Variants in FHIT observed in about 807,000 individuals in gnomAD.
The protein encoded by FHIT is fragile histidine triad diadenosine triphosphatase, also known as bis(5'-adenosyl)-triphosphatase.
FHIT carries 19 observed loss-of-function variants against 17.9 expected under a neutral mutation model. The ratio of observed to expected loss-of-function variants is 1.06; its 90% CI spans 0.74 to 1.56. The LOEUF (loss-of-function observed/expected upper bound fraction) is 1.56, where lower values mean the gene tolerates loss of function less well. Ranked by LOEUF, FHIT falls within the 40% of genes most tolerant of loss-of-function variation. The pLI, the probability that FHIT is intolerant of heterozygous loss-of-function variation, is 0.00. For missense variants in FHIT, 248 were observed against 189.2 expected (o/e 1.31, Z -1.82); for synonymous variants, 81 against 69.7 (o/e 1.16, Z -0.81).
At chr3:61,111,609 C>T (rs1354880017) in intron 2 of FHIT, among the ~76,000 whole-genome samples, 1 of 152,142 alleles carries the variant, frequency 6.6e-6, no homozygotes, top group Non-Finnish European at 1.5e-5. Flanking sequence ...CTTACTAAAG[C>T]AATGCATGTT....
Position 60,011,410 on chromosome 3 carries a change from G to A in FHIT, c.250-10C>T, listed in dbSNP as rs772085709. On this transcript the variant is annotated splice_polypyrimidine_tract_variant and intron_variant, in intron 6 of 9. Coordinates refer to ENST00000492590, the MANE Select transcript of FHIT (RefSeq NM_002012.4). ...CGGCTTCGGGGCCATCCTAGAAGTA[G>A]GAAAAAACCAACAGAGGTGAGAATA... 10 of 1,612,708 alleles carry A rather than the reference G, an allele frequency of 6.2e-6. No individual in the cohort carries two copies. The Admixed American group carries it at 1.5e-4, about 24-fold the overall frequency.
intron 7 of FHIT, among the ~76,000 whole-genome samples, chr3:59,999,897 T>C (rs1050374958): frequency 2.0e-5 from 3 of 152,112 alleles, no homozygotes; most frequent in Admixed American, 2.0e-4. Flanking sequence ...TGTGAGCCAC[T>C]GTTCCTGGCC....
At chr3:60,711,205 C>T (rs1553705024) in intron 4 of FHIT, among the ~76,000 whole-genome samples, 2 of 152,314 alleles carry the variant, frequency 1.3e-5, no homozygotes, top group East Asian at 3.9e-4. Flanking sequence ...AGACCTGCAG[C>T]TGAGGGTCCT....
chr3:61,124,341 A>C (rs2036548490), intron 2 of FHIT, among the ~76,000 whole-genome samples: 1 of 152,102 alleles, frequency 6.6e-6, no homozygotes, highest in Non-Finnish European at 1.5e-5. Context: ...GAATGCCCGA[A>C]CTCTGCTCAT....
chr3:61,071,062 T>C (rs2034788875), intron 2 of FHIT, among the ~76,000 whole-genome samples: 1 of 152,218 alleles, frequency 6.6e-6, no homozygotes, highest in African/African-American at 2.4e-5. Context: ...GTGATGGTTT[T>C]TCTCAATATC....
intron 8 of FHIT, among the ~76,000 whole-genome samples, chr3:59,771,723 C>T (rs1007390047): frequency 5.3e-5 from 8 of 152,166 alleles, no homozygotes; most frequent in Admixed American, 3.9e-4. Context: ...CTGTGGGGAA[C>T]GTGCACAAGC....
rs117373247 is a variant in FHIT at position 59,907,661 on chromosome 3, C to T, written c.348+14685G>A. ...GCTCTACCCTTGCCTTTTCCCCAAC[C>T]CCCAGGCTGAATCCTGAGGTTGGGT... is the stretch of plus-strand genomic sequence containing the variant. On this transcript the variant is annotated intron_variant, in intron 8 of 9. Transcript: ENST00000492590. Among the ~76,000 whole-genome samples the T allele has an allele frequency of 1.2e-3, 187 of 152,322 alleles. 3 individuals carry two copies. The East Asian group carries it at 0.025, about 20-fold the overall frequency.
Position 61,002,572 on chromosome 3 carries a change from G to A in FHIT, c.-111+39475C>T, listed in dbSNP as rs2031168369. On this transcript the variant is annotated intron_variant, in intron 3 of 9. Coordinates refer to ENST00000492590, the MANE Select transcript of FHIT (RefSeq NM_002012.4). ...GCCACAGGCATTAGCCACTGCACCT[G>A]GCCACTTTATACCCTTTGATCAACA... Among the ~76,000 whole-genome samples, 4 of 152,042 alleles carry A rather than the reference G, an allele frequency of 2.6e-5. No individual in the cohort carries two copies. In the East Asian group the frequency reaches 7.7e-4, roughly 29 times the overall value.
chr3:60,297,102 C>A (rs973634944), intron 5 of FHIT, among the ~76,000 whole-genome samples: 1 of 151,920 alleles, frequency 6.6e-6, no homozygotes. Context: ...TATTCTTTTT[C>A]AAATCTGTTT....
chr3:59,900,565 T>C (rs1238379225), intron 8 of FHIT, among the ~76,000 whole-genome samples: 1 of 152,210 alleles, frequency 6.6e-6, no homozygotes, highest in African/African-American at 2.4e-5. Flanking sequence ...CATTACCATG[T>C]GTATATCCCA....
At chr3:61,076,712 A>G (rs971762047) in intron 2 of FHIT, among the ~76,000 whole-genome samples, 1 of 152,194 alleles carries the variant, frequency 6.6e-6, no homozygotes, top group Non-Finnish European at 1.5e-5. Flanking sequence ...GAATAGAAGA[A>G]CAGTGGGATC....
chr3:60,687,419 A>G (rs1375506184), intron 4 of FHIT, among the ~76,000 whole-genome samples: 1 of 152,080 alleles, frequency 6.6e-6, no homozygotes, highest in African/African-American at 2.4e-5. Flanking sequence ...TGGAGTTTTT[A>G]GAAAAAAATT....
chr3:60,895,509 T>C, intron 3 of FHIT, among the ~76,000 whole-genome samples: 1 of 152,214 alleles, frequency 6.6e-6, no homozygotes, highest in East Asian at 1.9e-4. Context: ...TAACACCTAT[T>C]GACAATTCTA....
intron 4 of FHIT, among the ~76,000 whole-genome samples, chr3:60,803,615 G>A (rs1170372818): frequency 6.6e-6 from 1 of 152,190 alleles, no homozygotes; most frequent in African/African-American, 2.4e-5. Context: ...TGGGGAGAAA[G>A]AGGGGCAGCT....
At chr3:60,410,416 A>C (rs1702020749) in intron 5 of FHIT, among the ~76,000 whole-genome samples, 1 of 152,198 alleles carries the variant, frequency 6.6e-6, no homozygotes, top group African/African-American at 2.4e-5. Context: ...ACACAGGTTA[A>C]TTTCATTCCC....
chr3:60,576,348 A>C (rs2037564797), intron 4 of FHIT, among the ~76,000 whole-genome samples: 1 of 152,290 alleles, frequency 6.6e-6, no homozygotes, highest in South Asian at 2.1e-4. Context: ...GGGGTCCCAG[A>C]GAGAGCTCTG....
chr3:59,940,195 TG>T (rs909577292), intron 7 of FHIT, among the ~76,000 whole-genome samples: 25 of 152,292 alleles, frequency 1.6e-4, no homozygotes, highest in African/African-American at 4.8e-4. Context: ...GACTAGTACT[TG>T]GAACTTAGTA....
Position 60,734,288 on chromosome 3 carries a change from G to A in FHIT, c.-18+87631C>T, listed in dbSNP as rs376808712. Among the ~76,000 whole-genome samples the A allele has an allele frequency of 2.4e-4, 37 of 152,292 alleles. No individual in the cohort carries two copies. The South Asian group carries it at 6.2e-3, about 26-fold the overall frequency. On this transcript the variant is annotated intron_variant, in intron 4 of 9. Coordinates refer to ENST00000492590, the MANE Select transcript of FHIT (RefSeq NM_002012.4). ...TTGTTTATTTCTATTAAGAAATAGAGTTGGCATGAGAGCTGAAGATCCTAT... is the reference window on the plus strand; with the variant it reads ...TTGTTTATTTCTATTAAGAAATAGAATTGGCATGAGAGCTGAAGATCCTAT...
chr3:60,711,543 T>C (rs1170368956), intron 4 of FHIT, among the ~76,000 whole-genome samples: 1 of 152,140 alleles, frequency 6.6e-6, no homozygotes, highest in Non-Finnish European at 1.5e-5. Flanking sequence ...TTTAGACAAA[T>C]GTATAACTAG....
Sources: allele counts gnomAD v4.1 joint callset (sites outside exome capture counted in the v4.1 genomes callset), GRCh38; gene constraint gnomAD v4.1.1; transcripts MANE v1.5; gene names NCBI Gene and HGNC (gene_info 2026-07-23, HGNC 2026-07-21).